NPAS3: variants seen among roughly 807,000 people sequenced by gnomAD.
The protein encoded by NPAS3 is neuronal PAS domain protein 3.
A neutral mutation model predicts 73.1 loss-of-function variants in NPAS3; 14 were observed. The observed-to-expected ratio is 0.19, with a 90% CI of 0.13 to 0.30. The LOEUF (loss-of-function observed/expected upper bound fraction) is 0.30. NPAS3 is among the 10% of genes least tolerant of loss of function. The pLI, the probability that NPAS3 is intolerant of heterozygous loss-of-function variation, is 1.00. For missense variants in NPAS3, 1,096 were observed against 1,250.0 expected (o/e 0.88, Z 1.86); for synonymous variants, 620 against 541.5 (o/e 1.14, Z -2.01).
intron 4 of NPAS3, among the ~76,000 whole-genome samples, chr14:33,539,256 C>A (rs1440434644): frequency 6.6e-6 from 1 of 151,900 alleles, no homozygotes; most frequent in Non-Finnish European, 1.5e-5. Context: ...GGAGGCATAG[C>A]TAGGGAAGTG....
chr14:33,053,258 C>CA (rs2040773866), intron 1 of NPAS3, among the ~76,000 whole-genome samples: 1 of 152,150 alleles, frequency 6.6e-6, no homozygotes, highest in South Asian at 2.1e-4. Flanking sequence ...AGATTACCTG[C>CA]AAAAATGGAA....
At chr14:33,535,562 G>C (rs945690957) in intron 4 of NPAS3, among the ~76,000 whole-genome samples, 4 of 152,186 alleles carry the variant, frequency 2.6e-5, no homozygotes, top group African/African-American at 9.7e-5. Context: ...ACCTGGGTTA[G>C]TTCCCAACAC....
intron 1 of NPAS3, among the ~76,000 whole-genome samples, chr14:32,944,573 C>G (rs979534439): frequency 4.6e-5 from 7 of 152,080 alleles, no homozygotes; most frequent in Non-Finnish European, 1.0e-4. Flanking sequence ...TTTCCCCCCT[C>G]ATTGGTCAGT....
chr14:32,940,569 A>C (rs1454738337), intron 1 of NPAS3, among the ~76,000 whole-genome samples: 1 of 152,240 alleles, frequency 6.6e-6, no homozygotes, highest in Non-Finnish European at 1.5e-5. Context: ...GAGGAAAACA[A>C]ATACAGTAAG....
intron 2 of NPAS3, among the ~76,000 whole-genome samples, chr14:33,085,581 G>C (rs1181417207): frequency 2.0e-5 from 3 of 152,080 alleles, no homozygotes; most frequent in African/African-American, 7.2e-5. Flanking sequence ...TTAAACCAAA[G>C]GTTTCTGGAT....
At chr14:33,307,012 ATC>A (rs1483601283) in intron 3 of NPAS3, among the ~76,000 whole-genome samples, 1 of 152,066 alleles carries the variant, frequency 6.6e-6, no homozygotes, top group Non-Finnish European at 1.5e-5. Flanking sequence ...AGGCTGAATA[ATC>A]TCTTTTTCTT....
At chr14:32,936,739 C>A (rs965405414), upstream of NPAS3, among the ~76,000 whole-genome samples, 1 of 152,128 alleles carries the variant, frequency 6.6e-6, no homozygotes, top group Non-Finnish European at 1.5e-5. Context: ...CAGGTTTGCT[C>A]TGAGTGTTGT....
chr14:33,087,268 A>ACAATATTGTACAATAT (rs2042070754), intron 2 of NPAS3, among the ~76,000 whole-genome samples: 1 of 110,536 alleles, frequency 9.0e-6, no homozygotes, highest in Admixed American at 8.4e-5. Context: ...CAATATTATT[A>ACAATATTGTACAATAT]TGTATAATTC....
intron 3 of NPAS3, among the ~76,000 whole-genome samples, chr14:33,243,862 T>C (rs1339331718): frequency 2.0e-5 from 3 of 152,194 alleles, no homozygotes; most frequent in Non-Finnish European, 4.4e-5. Flanking sequence ...GGTGACAATT[T>C]GTATTTTTAT....
At chr14:33,723,168 C>A (rs1424943038) in intron 6 of NPAS3, among the ~76,000 whole-genome samples, 2 of 152,108 alleles carry the variant, frequency 1.3e-5, no homozygotes, top group African/African-American at 4.8e-5. Flanking sequence ...GTAGTACCTT[C>A]CAGTGACAAA....
intron 3 of NPAS3, among the ~76,000 whole-genome samples, chr14:33,236,604 A>C (rs2048043032): frequency 6.6e-6 from 1 of 152,076 alleles, no homozygotes; most frequent in Admixed American, 6.6e-5. Flanking sequence ...CCTAGCCTGG[A>C]GGATGTTAGT....
chr14:33,769,816 G>A (rs946197480), intron 7 of NPAS3, among the ~76,000 whole-genome samples: 11 of 127,384 alleles, frequency 8.6e-5, no homozygotes, highest in East Asian at 2.6e-4. Context: ...CCAGGCTGGC[G>A]TGCAGTGGCG....
chr14:33,296,609 G>A (rs17100576), intron 3 of NPAS3, among the ~76,000 whole-genome samples: 4,220 of 152,262 alleles, frequency 0.028, 190 homozygotes, highest in East Asian at 0.18. Context: ...ATGTAGATGT[G>A]ACTCCCTGTA....
chr14:33,528,233 T>A (rs2053888664), intron 4 of NPAS3, among the ~76,000 whole-genome samples: 1 of 151,922 alleles, frequency 6.6e-6, no homozygotes, highest in African/African-American at 2.4e-5. Flanking sequence ...CCACTGATAT[T>A]TCAGCCAGGT....
rs375222667 is a variant in NPAS3, at chr14:33,571,211, C to T, written c.558+11001C>T. Among the ~76,000 whole-genome samples the T allele has an allele frequency of 2.0e-4, 31 of 152,220 alleles. No homozygotes were observed. The East Asian group carries it at 2.7e-3, about 13-fold the overall frequency. On this transcript the variant is annotated intron_variant, in intron 5 of 11. Transcript: ENST00000356141. ...CCAGGAGACCTGGTTCTGGTCTTGC[C>T]GCTGCTGCTAGTCAGGCCAGTGACC... is the stretch of plus-strand genomic sequence containing the variant.
At chr14:33,729,390 G>A (rs1280284794) in intron 6 of NPAS3, among the ~76,000 whole-genome samples, 1 of 152,030 alleles carries the variant, frequency 6.6e-6, no homozygotes, top group African/African-American at 2.4e-5. Flanking sequence ...GTCTGGTATT[G>A]GATAACAAAT....
chr14:33,061,796 T>G (rs1262356488), intron 2 of NPAS3, among the ~76,000 whole-genome samples: 1 of 152,154 alleles, frequency 6.6e-6, no homozygotes, highest in Non-Finnish European at 1.5e-5. Context: ...GACTGAGATA[T>G]CAATAAGTAA....
At chr14:33,683,248 A>ATTGAAGGTTTAGGAAGTCAATTT (rs1378886816) in intron 6 of NPAS3, among the ~76,000 whole-genome samples, 143 of 152,182 alleles carry the variant, frequency 9.4e-4, no homozygotes, top group African/African-American at 3.3e-3. Context: ...CAAATCTTCT[A>ATTGAAGGTTTAGGAAGTCAATTT]TTGAAGGTTT....
At chr14:33,077,899 G>A (rs921631379) in intron 2 of NPAS3, among the ~76,000 whole-genome samples, 2 of 150,164 alleles carry the variant, frequency 1.3e-5, no homozygotes, top group East Asian at 2.0e-4. Context: ...TGTAATCCTC[G>A]CATTTTGGGA....
Sources: gnomAD v4.1 joint callset for allele counts (sites outside exome capture counted in the v4.1 genomes callset) on GRCh38, gnomAD v4.1.1 for gene constraint, MANE v1.5 for transcripts, NCBI Gene and HGNC (gene_info 2026-07-23, HGNC 2026-07-21) for gene names.